CABP7: variants seen among roughly 807,000 people sequenced by gnomAD.
CABP7 encodes the protein calcium binding protein 7.
In CABP7, 13 loss-of-function variants were observed where a neutral mutation model predicts 23.1. The ratio of observed to expected loss-of-function variants is 0.56; its 90% CI spans 0.37 to 0.90. The LOEUF is 0.90. Ranked by LOEUF, CABP7 falls within the 40% of genes least tolerant of loss-of-function variation. The pLI, the probability that CABP7 is intolerant of heterozygous loss-of-function variation, is 0.01. For missense variants in CABP7, 248 were observed against 295.6 expected (o/e 0.84, Z 1.18); for synonymous variants, 123 against 115.3 (o/e 1.07, Z -0.43).
intron 4 of CABP7, 26 bp downstream of exon 4, chr22:29,729,234 C>G: frequency 6.3e-7 from 1 of 1,589,310 alleles, no homozygotes; most frequent in African/African-American, 1.3e-5. Context: ...TGGAACCCCA[C>G]GGGTGGGCCC....
intron 1 of CABP7, among the ~76,000 whole-genome samples, chr22:29,725,646 C>T (rs921976339): frequency 3.9e-5 from 6 of 152,220 alleles, no homozygotes; most frequent in Non-Finnish European, 8.8e-5. Flanking sequence ...AGGGAGGGCA[C>T]CAGGGAGATG....
Position 29,724,864 on chromosome 22 carries a change from C to T in CABP7, c.110-2798C>T, listed in dbSNP as rs1228262379. On this transcript the variant is annotated intron_variant, in intron 1 of 4. Coordinates refer to ENST00000216144, the MANE Select transcript of CABP7 (RefSeq NM_182527.3). The stretch of plus-strand genomic sequence containing the variant: ...GCATCCCAATATTCACCTGCCTTCC[C>T]CTGGCTCCCCTCGGCCCAGTGCGTT... Among the ~76,000 whole-genome samples the T allele has an allele frequency of 2.6e-5, 4 of 152,326 alleles. No individual in the cohort carries two copies. In the East Asian group the frequency reaches 7.7e-4, roughly 29 times the overall value.
At chr22:29,725,668 G>T (rs999493055) in intron 1 of CABP7, among the ~76,000 whole-genome samples, 1 of 152,190 alleles carries the variant, frequency 6.6e-6, no homozygotes, top group African/African-American at 2.4e-5. Flanking sequence ...TGCCGTTCAA[G>T]CTGAGAGCTG....
At chr22:29,726,844 A>G (rs908643370) in intron 1 of CABP7, among the ~76,000 whole-genome samples, 2 of 152,230 alleles carry the variant, frequency 1.3e-5, no homozygotes, top group Non-Finnish European at 1.5e-5. Flanking sequence ...AGACAGCAGT[A>G]CAGCTAAGGT....
chr22:29,726,403 C>G (rs1321578043), intron 1 of CABP7, among the ~76,000 whole-genome samples: 1 of 152,180 alleles, frequency 6.6e-6, no homozygotes, highest in East Asian at 1.9e-4. Flanking sequence ...TCCCCCGAGA[C>G]TAGGGAATGA....
At chr22:29,722,261 G>C (rs1405097747) in intron 1 of CABP7, among the ~76,000 whole-genome samples, 2 of 152,238 alleles carry the variant, frequency 1.3e-5, no homozygotes, top group African/African-American at 4.8e-5. Flanking sequence ...AAGGGGAGAG[G>C]CTGAGAGGCT....
intron 1 of CABP7, among the ~76,000 whole-genome samples, chr22:29,721,211 C>T (rs1196137281): frequency 6.6e-6 from 1 of 152,150 alleles, no homozygotes; most frequent in Non-Finnish European, 1.5e-5. Context: ...AGGCCAGGAC[C>T]CAAACCCGCC....
At chr22:29,721,588 G>A (rs1205431706) in intron 1 of CABP7, among the ~76,000 whole-genome samples, 1 of 152,134 alleles carries the variant, frequency 6.6e-6, no homozygotes, top group Non-Finnish European at 1.5e-5. Flanking sequence ...GCCTGGGAGG[G>A]TGCAGCCAAG....
At chr22:29,721,018 C>T (rs1167098771) in intron 1 of CABP7, among the ~76,000 whole-genome samples, 2 of 152,150 alleles carry the variant, frequency 1.3e-5, no homozygotes, top group African/African-American at 2.4e-5. Flanking sequence ...GGGCGACTGC[C>T]CTGCTCTTGC....
At position 29,731,402 on chromosome 22, in the gene CABP7, A is replaced by G; in HGVS notation, c.*1833A>G. 1 of 1,522,550 alleles carries G rather than the reference A, an allele frequency of 6.6e-7. No homozygotes were observed. The highest frequency in any genetic ancestry group is 1.7e-4 in the Middle Eastern group (1 of 5,832). 94.3% of individuals were successfully genotyped at this position (1,522,550 alleles called of 1,614,324 possible). A position where few individuals can be genotyped will look rare whatever the true frequency, so the allele number is the denominator to read the frequency against. On this transcript the variant is annotated 3_prime_UTR_variant, in exon 5 of 5. Transcript: ENST00000216144. ...GGAGAATAAGAGTGCACTACAGCCC[A>G]GGCTTATGCCACCCCCAGCCCACCT...
intron 1 of CABP7, among the ~76,000 whole-genome samples, chr22:29,723,137 G>A (rs532593124): frequency 2.1e-4 from 32 of 152,316 alleles, no homozygotes; most frequent in Admixed American, 2.0e-3. Flanking sequence ...GAGGCCCTGC[G>A]GGGGTAAGAG....
intron 1 of CABP7, among the ~76,000 whole-genome samples, chr22:29,726,308 G>C (rs2067795240): frequency 6.6e-6 from 1 of 152,228 alleles, no homozygotes; most frequent in Admixed American, 6.5e-5. Flanking sequence ...CCACCTCGAA[G>C]TGTGGCCTGG....
rs565951762 is a variant in CABP7 at position 29,727,939 on chromosome 22, G to T, written c.253+134G>T. The T allele has an allele frequency of 1.2e-5, 13 of 1,059,006 alleles. No individual in the cohort carries two copies. In the South Asian group the frequency reaches 2.0e-4, roughly 16 times the overall value. The allele number at this position is 1,059,006 out of a possible 1,614,324, so 65.6% of individuals were successfully genotyped here. A position where few individuals can be genotyped will look rare whatever the true frequency, so the allele number is the denominator to read the frequency against. On this transcript the variant is annotated intron_variant, in intron 2 of 4. Coordinates refer to ENST00000216144, the MANE Select transcript of CABP7 (RefSeq NM_182527.3). The surrounding 1 kb of genome is among the most constrained non-coding windows in gnomAD (Gnocchi z 4.2). ...CCCCTGACTCCCACCCTCAAAGTCC[G>T]TGGCAGGTTGCAGCCCGGTCTGGCC...
At chr22:29,725,704 G>A (rs764212874) in intron 1 of CABP7, among the ~76,000 whole-genome samples, 8 of 152,212 alleles carry the variant, frequency 5.3e-5, no homozygotes, top group African/African-American at 1.2e-4. Context: ...TTGCCACGGC[G>A]AGCAGAAGAG....
intron 1 of CABP7, among the ~76,000 whole-genome samples, chr22:29,725,476 G>GC (rs1032551058): frequency 2.0e-5 from 3 of 152,160 alleles, no homozygotes; most frequent in Non-Finnish European, 4.4e-5. Context: ...GAAGAGGCAG[G>GC]CCCCGTTCCA....
Position 29,731,531 on chromosome 22 carries a change from T to A in CABP7, c.*1962T>A. On this transcript the variant is annotated 3_prime_UTR_variant, in exon 5 of 5. Coordinates refer to ENST00000216144, the MANE Select transcript of CABP7 (RefSeq NM_182527.3). Reference sequence around the variant, plus strand: ...CCGTTTGAGCCAGCGACCTCACCTCTAGGAACTGAGCCCAAGGAAATAGCG... The same window carrying A: ...CCGTTTGAGCCAGCGACCTCACCTCAAGGAACTGAGCCCAAGGAAATAGCG... The A allele has an allele frequency of 1.4e-6, 1 of 732,578 alleles. No homozygotes were observed. Among genetic ancestry groups the A allele is most frequent in the Non-Finnish European group, 2.1e-6 (1 of 487,082 alleles). The allele number at this position is 732,578 out of a possible 1,614,324, so 45.4% of individuals were successfully genotyped here.
chr22:29,724,238 G>A (rs1177981233), intron 1 of CABP7, among the ~76,000 whole-genome samples: 2 of 152,182 alleles, frequency 1.3e-5, no homozygotes, highest in African/African-American at 2.4e-5. Flanking sequence ...TGAGACACCC[G>A]AGGCTTAGAG....
At chr22:29,728,834 G>A in intron 3 of CABP7, 92 bp downstream of exon 3, 1 of 1,085,610 alleles carries the variant, frequency 9.2e-7, no homozygotes, top group Non-Finnish European at 1.4e-6. Context: ...TGTAAAGGGG[G>A]GATGACCACT....
rs1043066346 is a variant in CABP7 at position 29,727,014 on chromosome 22, G to A, written c.110-648G>A. Among the ~76,000 whole-genome samples, 3 of 152,148 alleles carry A rather than the reference G, an allele frequency of 2.0e-5. No individual in the cohort carries two copies. Among genetic ancestry groups the A allele is most frequent in the Non-Finnish European group, 4.4e-5 (3 of 68,018 alleles). ...ATTGCTCACCACCTGAGTCACCGAGGTCATCAGGCCTCGGTCTTCTGCTCC... is the reference window on the plus strand; with the variant it reads ...ATTGCTCACCACCTGAGTCACCGAGATCATCAGGCCTCGGTCTTCTGCTCC... On this transcript the variant is annotated intron_variant, in intron 1 of 4. Transcript: ENST00000216144. The surrounding 1 kb of genome is among the most constrained non-coding windows in gnomAD (Gnocchi z 4.2).
Sources: gnomAD v4.1 joint callset for allele counts (sites outside exome capture counted in the v4.1 genomes callset) on GRCh38, gnomAD v4.1.1 for gene constraint, Gnocchi (gnomAD v3.1) non-coding constraint, MANE v1.5 for transcripts, NCBI Gene and HGNC (gene_info 2026-07-23, HGNC 2026-07-21) for gene names.